CNNM2: variants seen among roughly 807,000 people sequenced by gnomAD.
CNNM2 encodes cyclin and CBS domain divalent metal cation transport mediator 2, also known as metal transporter CNNM2.
A neutral mutation model predicts 66.9 loss-of-function variants in CNNM2; 12 were observed. That is an observed-to-expected ratio of 0.18 (90% CI 0.11 to 0.29). The LOEUF is 0.29. Among genes scored for constraint, CNNM2 ranks in the 10% least tolerant of loss-of-function variants. The pLI is 1.00. For synonymous variants in CNNM2, 557 were observed against 501.8 expected (o/e 1.11, Z -1.47); for missense variants, 705 against 1,167.7 (o/e 0.60, Z 5.77).
Position 103,059,974 on chromosome 10 carries a change from A to C in CNNM2, c.2073+3010A>C, listed in dbSNP as rs1367649205. On this transcript the variant is annotated intron_variant, in intron 4 of 7. Transcript: ENST00000369878. ...TACAGAGCAAGATCCCCTTCTCTAC[A>C]AAAAATTTTTTAAAAATTAGCCGGG... Among the ~76,000 whole-genome samples, 7 of 152,240 alleles carry C rather than the reference A, an allele frequency of 4.6e-5. No individual in the cohort carries two copies. The East Asian group carries it at 5.8e-4, about 13-fold the overall frequency.
In CNNM2 at chr10:103,001,232, AAG is replaced by A. The variant is rs376232749; in HGVS notation, c.1622-48472_1622-48471del. ...ATGCATTTTAGTTTTGCAGGATTAA[AAG>A]AGGTGTGGAGATGGGTGTTGGTGAT... On this transcript the variant is annotated intron_variant, in intron 1 of 7. Coordinates refer to ENST00000369878, the MANE Select transcript of CNNM2 (RefSeq NM_017649.5). Among the ~76,000 whole-genome samples the A allele has an allele frequency of 1.4e-3, 213 of 152,322 alleles. 1 individual carries two copies. The highest frequency in any genetic ancestry group is 4.6e-3 in the African/African-American group (192 of 41,574).
At chr10:102,934,138 G>T (rs1846151886) in intron 1 of CNNM2, among the ~76,000 whole-genome samples, 1 of 151,062 alleles carries the variant, frequency 6.6e-6, no homozygotes, top group Non-Finnish European at 1.5e-5. Context: ...CACCATGCCT[G>T]CCATAAAAGA....
chr10:103,012,612 C>T (rs1187097135), intron 1 of CNNM2, among the ~76,000 whole-genome samples: 1 of 150,262 alleles, frequency 6.7e-6, no homozygotes, highest in African/African-American at 2.5e-5. Flanking sequence ...TGCACCACTG[C>T]ACTCCAGCCT....
At chr10:102,994,439 T>C (rs2063951640) in intron 1 of CNNM2, among the ~76,000 whole-genome samples, 1 of 152,238 alleles carries the variant, frequency 6.6e-6, no homozygotes, top group Non-Finnish European at 1.5e-5. Context: ...TAGTACTATT[T>C]TTGGGTTCTT....
chr10:103,066,223 C>T (rs2065474343), intron 4 of CNNM2, among the ~76,000 whole-genome samples: 1 of 152,136 alleles, frequency 6.6e-6, no homozygotes, highest in Non-Finnish European at 1.5e-5. Flanking sequence ...TTCAGTTTTC[C>T]CTGCTGCTCT....
chr10:103,030,434 G>C (rs1019309582), intron 1 of CNNM2, among the ~76,000 whole-genome samples: 1 of 152,300 alleles, frequency 6.6e-6, no homozygotes, highest in South Asian at 2.1e-4. Flanking sequence ...ATCAATATTG[G>C]CTGGACATGG....
At chr10:102,938,604 AGT>A (rs1285729488) in intron 1 of CNNM2, among the ~76,000 whole-genome samples, 1 of 128,010 alleles carries the variant, frequency 7.8e-6, no homozygotes, top group Non-Finnish European at 1.6e-5. Context: ...TGGGTGACAG[AGT>A]GAGACCCTGT....
chr10:103,064,792 C>A (rs2065448433), intron 4 of CNNM2, among the ~76,000 whole-genome samples: 1 of 152,156 alleles, frequency 6.6e-6, no homozygotes, highest in Non-Finnish European at 1.5e-5. Flanking sequence ...GGATTCTCAC[C>A]ACCGGTGCGG....
chr10:102,931,972 A>G (rs1274630759), intron 1 of CNNM2, among the ~76,000 whole-genome samples: 1 of 151,640 alleles, frequency 6.6e-6, no homozygotes, highest in Non-Finnish European at 1.5e-5. Context: ...GGCCATTTCT[A>G]TAACTTTGGA....
At chr10:103,061,698 C>T (rs985514933) in intron 4 of CNNM2, among the ~76,000 whole-genome samples, 22 of 152,280 alleles carry the variant, frequency 1.4e-4, no homozygotes, top group Non-Finnish European at 2.9e-4. Context: ...ATAAGCCAAT[C>T]TCACTTGTTA....
chr10:103,018,992 G>C (rs2064513666), intron 1 of CNNM2, among the ~76,000 whole-genome samples: 1 of 150,304 alleles, frequency 6.7e-6, no homozygotes, highest in Non-Finnish European at 1.5e-5. Context: ...TTACGGCCGG[G>C]TGCAGTGGCT....
intron 1 of CNNM2, among the ~76,000 whole-genome samples, chr10:102,990,858 T>C (rs933014408): frequency 2.6e-5 from 4 of 152,146 alleles, no homozygotes. Context: ...TTGTGTAAAT[T>C]TACCTTCTGA....
chr10:103,020,232 T>C (rs1057418420), intron 1 of CNNM2, among the ~76,000 whole-genome samples: 5 of 152,062 alleles, frequency 3.3e-5, no homozygotes, highest in Non-Finnish European at 7.4e-5. Flanking sequence ...CTCAGCTCAC[T>C]GCAACCTCCG....
rs201067221 is a variant in CNNM2, at chr10:103,076,188, A to G, written c.2336A>G (p.Asn779Ser). The G allele has an allele frequency of 2.9e-4, 463 of 1,600,590 alleles. No individual in the cohort carries two copies. Among genetic ancestry groups the G allele is most frequent in the Non-Finnish European group, 3.6e-4 (428 of 1,173,670 alleles). The change falls in exon 7 of 8, where the codon AAT becomes AGT. Residue 779 changes from asparagine to serine, a missense_variant. Asn to Ser is a conservative substitution (Grantham distance 46). Coordinates refer to ENST00000369878, the MANE Select transcript of CNNM2 (RefSeq NM_017649.5). ...GTCACACCAACACTGGGGAGCAGCA[A>G]TAACCAGCTCAATTCTTCGCTCCTC... ...DAVTPTLGSS[N>S]NQLNSSLLQV...
chr10:103,060,399 A>G (rs146673002), intron 4 of CNNM2, among the ~76,000 whole-genome samples: 58 of 152,188 alleles, frequency 3.8e-4, no homozygotes, highest in African/African-American at 1.3e-3. Flanking sequence ...CTGTCTTTAC[A>G]AAAATACAAA....
chr10:102,998,701 G>A (rs1286129034), intron 1 of CNNM2, among the ~76,000 whole-genome samples: 5 of 152,050 alleles, frequency 3.3e-5, no homozygotes, highest in Non-Finnish European at 7.4e-5. Flanking sequence ...GGTTTAGGCC[G>A]GCAGGGTGAC....
rs953220506 is a variant in CNNM2 at position 103,072,166 on chromosome 10, T to C, written c.2233+327T>C. 1.6e-4 allele frequency among the ~76,000 whole-genome samples: 25 copies of C among 152,216 alleles called. 1 individual carries two copies. Among genetic ancestry groups the C allele is most frequent in the African/African-American group, 6.0e-4 (25 of 41,540 alleles). On this transcript the variant is annotated intron_variant, in intron 6 of 7. Coordinates refer to ENST00000369878, the MANE Select transcript of CNNM2 (RefSeq NM_017649.5). The stretch of plus-strand genomic sequence containing the variant: ...TTTTCAGGTCAGCAGTAGGGGACTG[T>C]TCTTGGTTCTTATTCTGACCTCAGC...
chr10:103,047,443 A>G (rs1361026174), intron 1 of CNNM2, among the ~76,000 whole-genome samples: 1 of 152,262 alleles, frequency 6.6e-6, no homozygotes, highest in Non-Finnish European at 1.5e-5. Flanking sequence ...GAACCAGACA[A>G]CAAAACAAAG....
At chr10:102,949,201 A>C (rs1389501539) in intron 1 of CNNM2, among the ~76,000 whole-genome samples, 1 of 151,958 alleles carries the variant, frequency 6.6e-6, no homozygotes, top group Non-Finnish European at 1.5e-5. Context: ...TTTGAGGTGG[A>C]GTCTTGCTGT....
Sources: allele counts gnomAD v4.1 joint callset (sites outside exome capture counted in the v4.1 genomes callset), GRCh38; gene constraint gnomAD v4.1.1; transcripts MANE v1.5; gene names NCBI Gene and HGNC (gene_info 2026-07-23, HGNC 2026-07-21).